Variants in SGCD observed in about 807,000 individuals in gnomAD.
The protein encoded by SGCD is delta-sarcoglycan.
In SGCD, 18 loss-of-function variants were observed where a neutral mutation model predicts 36.6. The ratio of observed to expected loss-of-function variants is 0.49; its 90% CI spans 0.34 to 0.73. The LOEUF is 0.73. Ranked by LOEUF, SGCD falls within the 30% of genes least tolerant of loss-of-function variation. The probability of loss-of-function intolerance (pLI) is 0.01; values close to 1 mark genes in which losing one functional copy is unlikely to be tolerated. For synonymous variants in SGCD, 133 were observed against 130.6 expected (o/e 1.02, Z -0.12); for missense variants, 387 against 346.7 (o/e 1.12, Z -0.92).
the SGCD span, among the ~76,000 whole-genome samples, chr5:155,784,354 A>T: frequency 6.7e-4 from 102 of 152,314 alleles, no homozygotes; most frequent in African/African-American, 2.2e-3. Flanking sequence ...ATGTTGAAGC[A>T]TAGAGGATTT....
At chr5:156,455,602 C>T (rs527911885) in intron 3 of SGCD, among the ~76,000 whole-genome samples, 2 of 152,106 alleles carry the variant, frequency 1.3e-5, no homozygotes, top group Non-Finnish European at 2.9e-5. Context: ...CTCTGCTGAC[C>T]ACCTGACCCT....
intron 3 of SGCD, among the ~76,000 whole-genome samples, chr5:156,433,337 T>C (rs1753104194): frequency 6.6e-6 from 1 of 152,106 alleles, no homozygotes; most frequent in South Asian, 2.1e-4. Flanking sequence ...ACCAAAACCA[T>C]AGCCTATTCA....
At chr5:156,154,871 G>A (rs1463259934) in intron 3 of SGCD, among the ~76,000 whole-genome samples, 1 of 151,490 alleles carries the variant, frequency 6.6e-6, no homozygotes, top group Non-Finnish European at 1.5e-5. Context: ...TCACTGCCCT[G>A]CAACATGCTG....
At chr5:155,959,398 A>G (rs1005134283) in intron 1 of SGCD, among the ~76,000 whole-genome samples, 1 of 152,114 alleles carries the variant, frequency 6.6e-6, no homozygotes. Flanking sequence ...GAACTTGCCA[A>G]GGGACATTTC....
At chr5:156,619,884 G>A (rs990994075) in intron 6 of SGCD, among the ~76,000 whole-genome samples, 2 of 152,166 alleles carry the variant, frequency 1.3e-5, no homozygotes, top group African/African-American at 4.8e-5. Context: ...CTTTTGCCAG[G>A]TACTGCCCTT....
At chr5:155,787,874 C>A in the SGCD span, among the ~76,000 whole-genome samples, 3 of 152,122 alleles carry the variant, frequency 2.0e-5, no homozygotes, top group Non-Finnish European at 4.4e-5. Flanking sequence ...GATAATCATG[C>A]CCATTCCGTC....
chr5:156,082,887 A>G (rs978345542), intron 1 of SGCD, among the ~76,000 whole-genome samples: 3 of 152,024 alleles, frequency 2.0e-5, no homozygotes, highest in East Asian at 3.9e-4. Context: ...CAGTATGTAT[A>G]TGTGATCCAG....
At chr5:156,004,661 T>C (rs1758723737) in intron 1 of SGCD, among the ~76,000 whole-genome samples, 1 of 152,226 alleles carries the variant, frequency 6.6e-6, no homozygotes, top group African/African-American at 2.4e-5. Context: ...ACACTTAGAT[T>C]AAGCAAAGTT....
At chr5:156,706,122 G>A (rs282478) in intron 7 of SGCD, among the ~76,000 whole-genome samples, 8,567 of 152,088 alleles carry the variant, frequency 0.056, 395 homozygotes, top group East Asian at 0.21. Flanking sequence ...TTCAAATTAT[G>A]TGTATCAATA....
chr5:156,434,807 T>C (rs1277362708), intron 3 of SGCD, among the ~76,000 whole-genome samples: 1 of 152,196 alleles, frequency 6.6e-6, no homozygotes, highest in Non-Finnish European at 1.5e-5. Context: ...TCAGGCTAAT[T>C]AGCTAGACAA....
At chr5:155,758,228 A>C in the SGCD span, among the ~76,000 whole-genome samples, 2 of 152,144 alleles carry the variant, frequency 1.3e-5, no homozygotes, top group African/African-American at 4.8e-5. Flanking sequence ...CAAATACAAA[A>C]TAATAAAGTT....
At chr5:155,965,047 A>G (rs912145086) in intron 1 of SGCD, among the ~76,000 whole-genome samples, 3 of 152,076 alleles carry the variant, frequency 2.0e-5, no homozygotes, top group Non-Finnish European at 4.4e-5. Flanking sequence ...GATGAAGACT[A>G]TTGAAGACAA....
At chr5:155,773,189 G>A in the SGCD span, among the ~76,000 whole-genome samples, 1 of 152,070 alleles carries the variant, frequency 6.6e-6, no homozygotes, top group East Asian at 1.9e-4. Flanking sequence ...GTCCACTTCT[G>A]CTGTAAAAGT....
intron 3 of SGCD, among the ~76,000 whole-genome samples, chr5:156,293,179 A>G (rs973667403): frequency 6.6e-6 from 1 of 151,970 alleles, no homozygotes; most frequent in Non-Finnish European, 1.5e-5. Flanking sequence ...GGCTCAAGTG[A>G]TCCTCCTGCC....
chr5:155,768,722 C>T, the SGCD span, among the ~76,000 whole-genome samples: 1 of 152,104 alleles, frequency 6.6e-6, no homozygotes, highest in Admixed American at 6.6e-5. Flanking sequence ...AATGTTGTGT[C>T]TTTCATCCAG....
intron 1 of SGCD, among the ~76,000 whole-genome samples, chr5:156,089,651 T>C (rs543642177): frequency 1.3e-5 from 2 of 152,336 alleles, no homozygotes; most frequent in East Asian, 3.9e-4. Flanking sequence ...GAAGTAAACC[T>C]GTTTGTCCTC....
chr5:156,061,459 C>G (rs1197798535), intron 1 of SGCD, among the ~76,000 whole-genome samples: 1 of 146,258 alleles, frequency 6.8e-6, no homozygotes, highest in East Asian at 1.9e-4. Flanking sequence ...AATTCATACA[C>G]TATAACTGGT....
rs33983852 is a variant in SGCD at position 156,122,843 on chromosome 5, TAAAAAAAAAAAAAAAAAA to T, written c.-207-989_-207-972del. On this transcript the variant is annotated intron_variant, in intron 2 of 9. Coordinates refer to the SGCD transcript ENST00000517913. ...ACCAGCATGGTAGTAAAAGATGTGG[TAAAAAAAAAAAAAAAAAA>T]AAAAAAAAAAAAAAAAAAAAAAAGG... Among the ~76,000 whole-genome samples, 57 of 54,164 alleles carry T rather than the reference TAAAAAAAAAAAAAAAAAA, an allele frequency of 1.1e-3. 2 individuals are homozygous for T. In the South Asian group the frequency reaches 0.018, roughly 17 times the overall value. 35.5% of individuals were successfully genotyped at this position (54,164 alleles called of 152,430 possible).
intron 3 of SGCD, among the ~76,000 whole-genome samples, chr5:156,216,294 A>G (rs1329137466): frequency 1.3e-5 from 2 of 152,210 alleles, no homozygotes; most frequent in African/African-American, 4.8e-5. Flanking sequence ...TTATTCTTCA[A>G]AATTACTAGG....
Sources: gnomAD v4.1 joint callset for allele counts (sites outside exome capture counted in the v4.1 genomes callset) on GRCh38, gnomAD v4.1.1 for gene constraint, MANE v1.5 for transcripts, NCBI Gene and HGNC (gene_info 2026-07-23, HGNC 2026-07-21) for gene names.